The following CAMK1D variants were observed in gnomAD, a reference collection of about 807,000 sequenced individuals.
CAMK1D encodes calcium/calmodulin dependent protein kinase ID.
In CAMK1D, 9 loss-of-function variants were observed where a neutral mutation model predicts 47.7. The ratio of observed to expected loss-of-function variants is 0.19; its 90% confidence interval spans 0.11 to 0.33. The LOEUF is 0.33. Among genes scored for constraint, CAMK1D ranks in the 10% least tolerant of loss-of-function variants. The pLI is 1.00. For synonymous variants in CAMK1D, 184 were observed against 184.9 expected (o/e 0.99, Z 0.04); for missense variants, 291 against 488.7 (o/e 0.60, Z 3.81).
intron 1 of CAMK1D, among the ~76,000 whole-genome samples, chr10:12,523,167 C>A (rs918783413): frequency 8.6e-5 from 13 of 150,730 alleles, no homozygotes; most frequent in Admixed American, 8.6e-4. Context: ...TGGGCAGAGG[C>A]GCTCCTCACA....
chr10:12,544,793 A>AGTG, intron 1 of CAMK1D, among the ~76,000 whole-genome samples: 1 of 151,204 alleles, frequency 6.6e-6, no homozygotes, highest in African/African-American at 2.5e-5. Context: ...ACTAGTGTTG[A>AGTG]GTGGATAGTA....
chr10:12,404,684 C>T (rs1224668021), intron 1 of CAMK1D, among the ~76,000 whole-genome samples: 1 of 149,852 alleles, frequency 6.7e-6, no homozygotes, highest in Non-Finnish European at 1.5e-5. Context: ...ACCAAGAAAA[C>T]TGTGTTTTTA....
intron 1 of CAMK1D, among the ~76,000 whole-genome samples, chr10:12,407,862 CT>C (rs35451883): frequency 6.6e-4 from 46 of 69,694 alleles, no homozygotes; most frequent in Admixed American, 1.8e-3. Context: ...TTTTTTTTTT[CT>C]TTTTTTTTTT....
chr10:12,585,431 A>C (rs1837787234), intron 2 of CAMK1D, among the ~76,000 whole-genome samples: 1 of 152,192 alleles, frequency 6.6e-6, no homozygotes, highest in South Asian at 2.1e-4. Flanking sequence ...AGTTCCTAGG[A>C]GGGCTCAGTC....
chr10:12,459,259 G>GC (rs1428324335), intron 1 of CAMK1D, among the ~76,000 whole-genome samples: 1 of 152,140 alleles, frequency 6.6e-6, no homozygotes, highest in Non-Finnish European at 1.5e-5. Context: ...AGGTGACTGT[G>GC]CCCCAGCCCA....
At chr10:12,483,660 G>C (rs1289514231) in intron 1 of CAMK1D, among the ~76,000 whole-genome samples, 1 of 151,210 alleles carries the variant, frequency 6.6e-6, no homozygotes, top group South Asian at 2.1e-4. Flanking sequence ...CATCACACCT[G>C]GCCTCTAAAA....
chr10:12,693,314 G>A (rs1833006352), intron 3 of CAMK1D, among the ~76,000 whole-genome samples: 2 of 152,034 alleles, frequency 1.3e-5, no homozygotes, highest in South Asian at 4.2e-4. Context: ...GCAGTGAGCT[G>A]AGATTGCACC....
At chr10:12,804,770 C>T (rs76547381) in intron 6 of CAMK1D, among the ~76,000 whole-genome samples, 1 of 104,084 alleles carries the variant, frequency 9.6e-6, no homozygotes, top group Non-Finnish European at 1.8e-5. Context: ...CCTGTCTGTA[C>T]CAAAAAAAAA....
intron 2 of CAMK1D, among the ~76,000 whole-genome samples, chr10:12,566,891 C>T (rs945553165): frequency 6.6e-6 from 1 of 152,312 alleles, no homozygotes; most frequent in Admixed American, 6.5e-5. Context: ...TTCTTTCTGA[C>T]TTCCCCTCCC....
intron 2 of CAMK1D, among the ~76,000 whole-genome samples, chr10:12,607,698 C>T (rs1344038902): frequency 6.6e-6 from 1 of 152,206 alleles, no homozygotes; most frequent in Non-Finnish European, 1.5e-5. Context: ...CAGTGGATCA[C>T]ACTTGTAATC....
At chr10:12,563,169 A>G (rs1836998187) in intron 2 of CAMK1D, among the ~76,000 whole-genome samples, 1 of 152,232 alleles carries the variant, frequency 6.6e-6, no homozygotes, top group Admixed American at 6.5e-5. Flanking sequence ...CCGACGTCCA[A>G]GGGCCGGAGA....
intron 2 of CAMK1D, among the ~76,000 whole-genome samples, chr10:12,618,621 A>G (rs1410223030): frequency 1.3e-5 from 2 of 152,208 alleles, no homozygotes; most frequent in African/African-American, 4.8e-5. Flanking sequence ...ACTTAATTTC[A>G]TTAAGCATTG....
chr10:12,555,980 A>G (rs1037115864), intron 2 of CAMK1D, among the ~76,000 whole-genome samples: 5 of 152,212 alleles, frequency 3.3e-5, no homozygotes, highest in African/African-American at 1.2e-4. Context: ...GAGGGCATTT[A>G]AAAACCAAGG....
chr10:12,369,498 C>T (rs1035704672), intron 1 of CAMK1D, among the ~76,000 whole-genome samples: 4 of 152,096 alleles, frequency 2.6e-5, no homozygotes, highest in African/African-American at 7.2e-5. Context: ...GTCATCTCAT[C>T]GGGATGGGGG....
chr10:12,724,133 C>T (rs914371424), intron 3 of CAMK1D, among the ~76,000 whole-genome samples: 4 of 152,196 alleles, frequency 2.6e-5, no homozygotes, highest in Admixed American at 6.5e-5. Flanking sequence ...GGATTACAGA[C>T]GCCGGCCACC....
At chr10:12,409,970 C>T (rs375726967) in intron 1 of CAMK1D, among the ~76,000 whole-genome samples, 5 of 152,116 alleles carry the variant, frequency 3.3e-5, no homozygotes, top group Admixed American at 6.6e-5. Flanking sequence ...CTTTTGTGCC[C>T]GACCTCTTTC....
chr10:12,670,109 G>A (rs1351167304), intron 3 of CAMK1D, among the ~76,000 whole-genome samples: 1 of 145,124 alleles, frequency 6.9e-6, no homozygotes, highest in Non-Finnish European at 1.5e-5. Flanking sequence ...GTTTTCCAAA[G>A]TGGTTGTACC....
At chr10:12,583,081 G>A (rs897209712) in intron 2 of CAMK1D, among the ~76,000 whole-genome samples, 4 of 152,130 alleles carry the variant, frequency 2.6e-5, no homozygotes, top group Non-Finnish European at 4.4e-5. Context: ...GTGAAAGAAC[G>A]AGATTCTGTC....
At chr10:12,518,922 A>G (rs1219244774) in intron 1 of CAMK1D, among the ~76,000 whole-genome samples, 1 of 130,404 alleles carries the variant, frequency 7.7e-6, no homozygotes, top group Non-Finnish European at 1.7e-5. Context: ...CCGATTTCTC[A>G]ATTTTTTCCC....
Sources: gnomAD v4.1 joint callset for allele counts (sites outside exome capture counted in the v4.1 genomes callset) on GRCh38, gnomAD v4.1.1 for gene constraint, MANE v1.5 for transcripts, NCBI Gene and HGNC (gene_info 2026-07-23, HGNC 2026-07-21) for gene names.